FTCDNL1: variants seen among roughly 807,000 people sequenced by gnomAD.
FTCDNL1 encodes formiminotransferase cyclodeaminase N-terminal like.
Under a neutral mutation model 5.9 loss-of-function variants are expected in FTCDNL1, and 11 were observed. That is an observed-to-expected ratio of 1.87 (90% CI 1.18 to 3.10). The LOEUF (loss-of-function observed/expected upper bound fraction) is 3.10. Among genes scored for constraint, FTCDNL1 ranks in the 30% most tolerant of loss-of-function variants. FTCDNL1 has a pLI of 0.00. For synonymous variants in FTCDNL1, 58 were observed against 24.8 expected (o/e 2.34, Z -3.99); for missense variants, 115 against 65.5 (o/e 1.76, Z -2.61).
At chr2:199,752,728 ATC>A in the FTCDNL1 span, among the ~76,000 whole-genome samples, 1,700 of 146,274 alleles carry the variant, frequency 0.012, 12 homozygotes, top group South Asian at 0.024. Context: ...CATATATACT[ATC>A]TCTCTCTCTC....
At chr2:199,828,156 T>C (rs1702145056) in intron 3 of FTCDNL1, among the ~76,000 whole-genome samples, 1 of 152,150 alleles carries the variant, frequency 6.6e-6, no homozygotes, top group South Asian at 2.1e-4. Context: ...AGATGGCCTG[T>C]GTTTCAAAAA....
At chr2:199,836,877 T>A (rs982455576) in intron 3 of FTCDNL1, among the ~76,000 whole-genome samples, 1 of 152,180 alleles carries the variant, frequency 6.6e-6, no homozygotes, top group African/African-American at 2.4e-5. Context: ...GAATTGTCCA[T>A]CTCAGGGACA....
At chr2:199,844,644 GA>G (rs1173716894) in intron 3 of FTCDNL1, 2 of 420,236 alleles carry the variant, frequency 4.8e-6, no homozygotes, top group African/African-American at 4.1e-5. Context: ...CTGTGTAGAA[GA>G]TTTTTTGTCC....
intron 3 of FTCDNL1, among the ~76,000 whole-genome samples, chr2:199,783,441 C>T (rs1229136823): frequency 6.6e-6 from 1 of 152,164 alleles, no homozygotes; most frequent in Non-Finnish European, 1.5e-5. Flanking sequence ...ATCCACCCTT[C>T]AATTATTGGC....
downstream of FTCDNL1, among the ~76,000 whole-genome samples, chr2:199,755,799 T>A (rs78703865): frequency 3.7e-3 from 562 of 152,290 alleles, 12 homozygotes; most frequent in African/African-American, 0.013. Flanking sequence ...TAAGGGATGA[T>A]AATACATGTT....
intron 3 of FTCDNL1, among the ~76,000 whole-genome samples, chr2:199,843,737 C>G (rs1158147752): frequency 6.6e-6 from 1 of 152,074 alleles, no homozygotes; most frequent in African/African-American, 2.4e-5. Flanking sequence ...TTTTTTTCCC[C>G]GAAGATTATA....
chr2:199,813,597 C>A (rs1701162160), intron 4 of FTCDNL1, among the ~76,000 whole-genome samples: 1 of 152,050 alleles, frequency 6.6e-6, no homozygotes, highest in Admixed American at 6.6e-5. Context: ...TCTTTTCAAC[C>A]AATTCAACTC....
chr2:199,693,469 AAGTGCATTG>A, the FTCDNL1 span, among the ~76,000 whole-genome samples: 13 of 152,212 alleles, frequency 8.5e-5, no homozygotes, highest in Admixed American at 8.5e-4. Flanking sequence ...ATCCTGTGAT[AAGTGCATTG>A]AGTGACAAAT....
At chr2:199,668,616 T>C in the FTCDNL1 span, among the ~76,000 whole-genome samples, 1 of 152,162 alleles carries the variant, frequency 6.6e-6, no homozygotes, top group Non-Finnish European at 1.5e-5. Context: ...ACTCTGCCAC[T>C]ACTCTGAGAC....
chr2:199,810,671 A>C lies in FTCDNL1; in HGVS notation c.*2034T>G, dbSNP rs774920386. On this transcript the variant is annotated 3_prime_UTR_variant, in exon 5 of 5. Transcript: ENST00000420128. ...TATAGTTTACACTATAAGATGGACA[A>C]CTTGGTTAAATTAGCATTGGTATAA... Among the ~76,000 whole-genome samples, 6 of 152,242 alleles carry C rather than the reference A, an allele frequency of 3.9e-5. No individual in the cohort carries two copies. The highest frequency in any genetic ancestry group is 8.8e-5 in the Non-Finnish European group (6 of 68,040).
At chr2:199,756,259 T>C (rs1447908661), downstream of FTCDNL1, among the ~76,000 whole-genome samples, 1 of 152,130 alleles carries the variant, frequency 6.6e-6, no homozygotes, top group Non-Finnish European at 1.5e-5. Context: ...TTAAATAAAG[T>C]GATAGAACAA....
chr2:199,672,706 A>G, the FTCDNL1 span, among the ~76,000 whole-genome samples: 5,226 of 152,052 alleles, frequency 0.034, 408 homozygotes, highest in East Asian at 0.26. Flanking sequence ...ACCTTCTCTA[A>G]GTGGTCTCTC....
the FTCDNL1 span, among the ~76,000 whole-genome samples, chr2:199,714,326 C>A: frequency 6.6e-6 from 1 of 151,906 alleles, no homozygotes; most frequent in East Asian, 1.9e-4. Context: ...AGCTGAGAAT[C>A]TGACTAAAAA....
At chr2:199,831,087 C>T (rs1459392175) in intron 3 of FTCDNL1, among the ~76,000 whole-genome samples, 3 of 152,160 alleles carry the variant, frequency 2.0e-5, no homozygotes, top group Non-Finnish European at 4.4e-5. Context: ...TTAAAAACCA[C>T]GATAGGCTGA....
the FTCDNL1 span, among the ~76,000 whole-genome samples, chr2:199,685,068 C>T: frequency 1.3e-5 from 2 of 152,082 alleles, no homozygotes. Context: ...GTACTTCCTC[C>T]ATGTTAATGT....
At chr2:199,688,232 A>AAAG in the FTCDNL1 span, among the ~76,000 whole-genome samples, 1 of 145,844 alleles carries the variant, frequency 6.9e-6, no homozygotes, top group Non-Finnish European at 1.5e-5. Context: ...CTCTGTCTCA[A>AAAG]AAAAAAAAAA....
chr2:199,829,543 A>G (rs1702240508), intron 3 of FTCDNL1, among the ~76,000 whole-genome samples: 1 of 152,224 alleles, frequency 6.6e-6, no homozygotes, highest in African/African-American at 2.4e-5. Flanking sequence ...TTCTAAGCCT[A>G]TAACAGACAT....
chr2:199,830,375 G>A lies in FTCDNL1; in HGVS notation c.212-10618C>T, dbSNP rs185690175. On this transcript the variant is annotated intron_variant, in intron 3 of 4. Transcript: ENST00000420128. Reference sequence around the variant, plus strand: ...GTGATGCTGCACTGCCTCTAATTAAGTGCAGACTAGGAAAAATTATTCTTA... The same window carrying A: ...GTGATGCTGCACTGCCTCTAATTAAATGCAGACTAGGAAAAATTATTCTTA... Among the ~76,000 whole-genome samples, 45 of 152,270 alleles carry A rather than the reference G, an allele frequency of 3.0e-4. 1 individual carries two copies. The highest frequency in any genetic ancestry group is 2.9e-5 in the Non-Finnish European group (2 of 68,026).
At position 199,775,912 on chromosome 2, in the gene FTCDNL1, CTTT is replaced by C. The variant is rs71019085; in HGVS notation, c.212-15080_212-15078del. Among the ~76,000 whole-genome samples the C allele has an allele frequency of 7.6e-4, 90 of 117,710 alleles. 1 individual carries two copies. Among genetic ancestry groups the C allele is most frequent in the East Asian group, 3.0e-3 (11 of 3,670 alleles). The allele number at this position is 117,710 out of a possible 152,430, so 77.2% of individuals were successfully genotyped here. On this transcript the variant is annotated intron_variant, in intron 3 of 3. Coordinates refer to the FTCDNL1 transcript ENST00000416668. ...CAGGCTGGTACAGTAGCAGGATCTC[CTTT>C]TTTTTTTTTTTTTTTTGAGACGGAG...
Sources: gnomAD v4.1 joint callset for allele counts (sites outside exome capture counted in the v4.1 genomes callset) on GRCh38, gnomAD v4.1.1 for gene constraint, MANE v1.5 for transcripts, NCBI Gene and HGNC (gene_info 2026-07-23, HGNC 2026-07-21) for gene names.